The following MYO18B variants were observed in gnomAD, a reference collection of about 807,000 sequenced individuals.
The protein encoded by MYO18B is myosin XVIIIB, also known as unconventional myosin-XVIIIb.
Under a neutral mutation model 273.0 loss-of-function variants are expected in MYO18B, and 204 were observed. The observed-to-expected ratio is 0.75, with a 90% CI of 0.67 to 0.84. The LOEUF (loss-of-function observed/expected upper bound fraction) is 0.84. Among genes scored for constraint, MYO18B ranks in the 40% least tolerant of loss-of-function variants. The probability of loss-of-function intolerance (pLI) is 0.00; values close to 1 mark genes in which losing one functional copy is unlikely to be tolerated. For missense variants in MYO18B, 3,212 were observed against 3,287.6 expected (o/e 0.98, Z 0.56); for synonymous variants, 1,330 against 1,305.7 (o/e 1.02, Z -0.40).
At chr22:25,870,581 G>T (rs535525904) in intron 22 of MYO18B, among the ~76,000 whole-genome samples, 1 of 152,200 alleles carries the variant, frequency 6.6e-6, no homozygotes, top group Non-Finnish European at 1.5e-5. Flanking sequence ...GACTGTACAT[G>T]ACATATTCTT....
intron 34 of MYO18B, among the ~76,000 whole-genome samples, chr22:25,930,148 T>G (rs1308706728): frequency 1.3e-5 from 2 of 152,144 alleles, no homozygotes; most frequent in African/African-American, 4.8e-5. Context: ...CATCTAAGCA[T>G]TCTGTGAAAT....
At chr22:25,790,990 A>G (rs904658342) in intron 11 of MYO18B, among the ~76,000 whole-genome samples, 2 of 152,088 alleles carry the variant, frequency 1.3e-5, no homozygotes, top group Non-Finnish European at 2.9e-5. Flanking sequence ...AGTGGCTCTT[A>G]TTTGGGGATG....
At chr22:26,060,116 T>G in the MYO18B span, among the ~76,000 whole-genome samples, 2 of 152,254 alleles carry the variant, frequency 1.3e-5, no homozygotes, top group Admixed American at 1.3e-4. Flanking sequence ...CGTCCTTTAG[T>G]GAGCTCTCTA....
At chr22:25,786,294 C>T (rs1053828447) in intron 11 of MYO18B, among the ~76,000 whole-genome samples, 1 of 152,140 alleles carries the variant, frequency 6.6e-6, no homozygotes, top group Non-Finnish European at 1.5e-5. Context: ...ATGCTGCGGG[C>T]ACCACAAGAT....
chr22:25,890,941 C>T lies in MYO18B; in HGVS notation c.4434+66C>T, dbSNP rs757874281. On this transcript the variant is annotated intron_variant, in intron 26 of 43. Transcript: ENST00000335473. The stretch of plus-strand genomic sequence containing the variant: ...GCTAAAAATGGTTGGGTCTGCTCCC[C>T]GACCCTCTCATTGGAGATCAGTAAG... 158 of 1,562,524 alleles carry T rather than the reference C, an allele frequency of 1.0e-4. 1 individual carries two copies. The highest frequency in any genetic ancestry group is 5.5e-4 in the South Asian group (47 of 84,880).
intron 39 of MYO18B, among the ~76,000 whole-genome samples, chr22:25,989,371 A>G (rs1198886716): frequency 6.6e-6 from 1 of 152,114 alleles, no homozygotes; most frequent in Admixed American, 6.5e-5. Flanking sequence ...TGGACTTGGG[A>G]TAGAATCTAA....
At position 25,768,348 on chromosome 22, in the gene MYO18B, C is replaced by G. The variant is rs1252395186; in HGVS notation, c.432C>G (p.Phe144Leu). Residue 144 changes from phenylalanine (F) to leucine (L), a missense_variant, in exon 4 of 44, where the codon TTC becomes TTG. By Grantham distance (22) the Phe-to-Leu change is conservative (BLOSUM62 0). Coordinates refer to ENST00000335473, the MANE Select transcript of MYO18B (RefSeq NM_032608.7). ...CACCAACCAAAAAGACTGTCCCCTTCAAGAGGGGCGTGAGGAGGGGTGATG... is the reference window on the plus strand; with the variant it reads ...CACCAACCAAAAAGACTGTCCCCTTGAAGAGGGGCGTGAGGAGGGGTGATG... ...SATPTKKTVP[F>L]KRGVRRGDVL... The G allele has an allele frequency of 6.2e-7, 1 of 1,613,722 alleles. No homozygotes were observed. Among genetic ancestry groups the G allele is most frequent in the Non-Finnish European group, 8.5e-7 (1 of 1,179,748 alleles).
intron 11 of MYO18B, among the ~76,000 whole-genome samples, chr22:25,786,949 C>T (rs1426700193): frequency 6.6e-6 from 1 of 152,214 alleles, no homozygotes; most frequent in Non-Finnish European, 1.5e-5. Context: ...TGCGGTGGCT[C>T]ACGCCTGTAA....
At chr22:26,012,776 C>T (rs191896486) in intron 42 of MYO18B, among the ~76,000 whole-genome samples, 18 of 152,242 alleles carry the variant, frequency 1.2e-4, no homozygotes, top group African/African-American at 4.1e-4. Context: ...TGGTTCAGAA[C>T]ATTCTTTTAA....
At chr22:25,865,154 C>T (rs1394266152) in intron 21 of MYO18B, among the ~76,000 whole-genome samples, 1 of 152,212 alleles carries the variant, frequency 6.6e-6, no homozygotes, top group Non-Finnish European at 1.5e-5. Flanking sequence ...TCAATTAATT[C>T]TCTGAATTGC....
chr22:25,747,518 G>A (rs997948578), intron 1 of MYO18B, among the ~76,000 whole-genome samples: 8 of 152,238 alleles, frequency 5.3e-5, no homozygotes, highest in African/African-American at 1.9e-4. Flanking sequence ...GGAGTGGCCT[G>A]ATGACTCACC....
chr22:25,978,475 G>A (rs62224169), intron 39 of MYO18B, among the ~76,000 whole-genome samples: 8,015 of 152,264 alleles, frequency 0.053, 291 homozygotes, highest in Non-Finnish European at 0.085. Flanking sequence ...GGGCGAGTTG[G>A]GACAGAGACT....
At chr22:25,999,944 C>T (rs927682641) in intron 40 of MYO18B, among the ~76,000 whole-genome samples, 36 of 152,136 alleles carry the variant, frequency 2.4e-4, no homozygotes, top group Admixed American at 1.3e-3. Context: ...TGAGCCACCA[C>T]GCCTGGCCAA....
intron 32 of MYO18B, 61 bp from the exon 33 acceptor site, chr22:25,910,885 G>C (rs2092143802): frequency 7.3e-7 from 1 of 1,361,996 alleles, no homozygotes; most frequent in Admixed American, 2.0e-5. Context: ...TCCTTGCCTT[G>C]TAGGATGTGT....
chr22:25,874,900 T>C (rs2091148889), intron 23 of MYO18B, among the ~76,000 whole-genome samples: 1 of 152,362 alleles, frequency 6.6e-6, no homozygotes, highest in South Asian at 2.1e-4. Context: ...ATTCCACCTC[T>C]ACCTCTTAGT....
At chr22:25,799,825 C>T (rs918542675) in intron 12 of MYO18B, among the ~76,000 whole-genome samples, 7 of 152,198 alleles carry the variant, frequency 4.6e-5, no homozygotes, top group African/African-American at 1.7e-4. Context: ...AAGCCAAGGA[C>T]AGACATGCTG....
In MYO18B at chr22:25,903,787, A is replaced by T. The variant is rs1317250940; in HGVS notation, c.5104A>T (p.Lys1702Ter). The T allele has an allele frequency of 6.2e-7, 1 of 1,603,962 alleles. No individual in the cohort carries two copies. The highest frequency in any genetic ancestry group is 1.1e-5 in the South Asian group (1 of 89,022). The stretch of plus-strand genomic sequence containing the variant: ...GGAATCCAGCGCCCTTGAGCAACAG[A>T]AAATCCAGAGCCAGCAGGAAAACAC... ...KLESSALEQQKIQSQQENTIK... is the reference protein window; with the variant it reads ...KLESSALEQQ Residue 1702 changes from lysine (K) to a stop codon, truncating the protein, a stop_gained, in exon 31 of 44, where the codon AAA becomes TAA. Coordinates refer to ENST00000335473, the MANE Select transcript of MYO18B (RefSeq NM_032608.7). LOFTEE classifies it high-confidence loss of function.
intron 39 of MYO18B, among the ~76,000 whole-genome samples, chr22:25,960,973 A>AC (rs1339320193): frequency 2.0e-5 from 3 of 152,184 alleles, no homozygotes; most frequent in African/African-American, 7.2e-5. Context: ...ACATAGCAAG[A>AC]CCCCATCTCT....
At chr22:25,852,373 C>T (rs888267713) in intron 21 of MYO18B, among the ~76,000 whole-genome samples, 3 of 148,478 alleles carry the variant, frequency 2.0e-5, no homozygotes, top group Admixed American at 6.9e-5. Context: ...ACAGCAAGAG[C>T]TCAATAATGT....
Sources: allele counts gnomAD v4.1 joint callset (sites outside exome capture counted in the v4.1 genomes callset), GRCh38; gene constraint gnomAD v4.1.1; transcripts MANE v1.5; gene names NCBI Gene and HGNC (gene_info 2026-07-23, HGNC 2026-07-21).